The following MTUS2 variants were observed in gnomAD, a reference collection of about 807,000 sequenced individuals.
MTUS2 encodes microtubule associated scaffold protein 2.
Under a neutral mutation model 114.1 loss-of-function variants are expected in MTUS2, and 40 were observed. The ratio of observed to expected loss-of-function variants is 0.35; its 90% confidence interval spans 0.27 to 0.46. The LOEUF (loss-of-function observed/expected upper bound fraction) is 0.46, where lower values mean the gene tolerates loss of function less well. Among genes scored for constraint, MTUS2 ranks in the 20% least tolerant of loss-of-function variants. The probability of loss-of-function intolerance (pLI) is 1.00; values close to 1 mark genes in which losing one functional copy is unlikely to be tolerated. For synonymous variants in MTUS2, 688 were observed against 672.0 expected, an observed-to-expected ratio of 1.02 and a Z score of -0.37; for missense variants, 1,679 against 1,705.4, an observed-to-expected ratio of 0.98 and a Z score of 0.27.
At position 29,025,930 on chromosome 13, in the gene MTUS2, C is replaced by G; in HGVS notation, c.1232C>G (p.Thr411Ser). The G allele has an allele frequency of 6.2e-7, 1 of 1,613,938 alleles. No individual in the cohort carries two copies. Reference protein sequence around the residue: ...ASLGGADNQPTGKISPCAGEK... With the variant: ...ASLGGADNQPSGKISPCAGEK... The stretch of plus-strand genomic sequence containing the variant: ...TTAGGAGGGGCTGATAATCAGCCCA[C>G]TGGCAAAATTTCACCATGTGCAGGT... Residue 411 changes from threonine (T) to serine (S), a missense_variant, in exon 3 of 16, where the codon ACT (threonine) becomes AGT (serine). This residue lies in a region of MTUS2 where 843 missense variants were observed against 770.8 expected (regional missense o/e 1.09). Coordinates refer to ENST00000612955, the MANE Select transcript of MTUS2 (RefSeq NM_001033602.4).
intron 2 of MTUS2, among the ~76,000 whole-genome samples, chr13:28,958,299 T>G (rs7319302): frequency 0.011 from 1,624 of 152,350 alleles, 32 homozygotes; most frequent in African/African-American, 0.037. Context: ...GTGGGCTGCC[T>G]GTTTTCCCGC....
intron 9 of MTUS2, among the ~76,000 whole-genome samples, chr13:29,478,807 C>T (rs904073020): frequency 2.0e-5 from 3 of 151,942 alleles, no homozygotes; most frequent in African/African-American, 4.8e-5. Context: ...TGGAAGCCCT[C>T]GGGTAGGATA....
intron 7 of MTUS2, among the ~76,000 whole-genome samples, chr13:29,334,408 C>CA (rs1900946102): frequency 6.6e-6 from 1 of 152,180 alleles, no homozygotes. Flanking sequence ...CTGGTGGTGA[C>CA]AAAATCTCTC....
chr13:29,307,648 C>A, intron 6 of MTUS2: 1 of 1,140,054 alleles, frequency 8.8e-7, no homozygotes, highest in Non-Finnish European at 1.3e-6. Flanking sequence ...CAGCGACACC[C>A]ACTCTTCCAC....
intron 8 of MTUS2, among the ~76,000 whole-genome samples, chr13:29,433,164 G>GCA (rs1464678231): frequency 6.6e-6 from 1 of 152,152 alleles, no homozygotes; most frequent in African/African-American, 2.4e-5. Context: ...CAGGTATGAT[G>GCA]TGATATTCCC....
chr13:28,976,482 A>C (rs1345655401), intron 2 of MTUS2, among the ~76,000 whole-genome samples: 1 of 152,128 alleles, frequency 6.6e-6, no homozygotes, highest in Admixed American at 6.6e-5. Flanking sequence ...TGTGGACTGG[A>C]ATATAATTCA....
intron 8 of MTUS2, among the ~76,000 whole-genome samples, chr13:29,398,931 T>G (rs989805955): frequency 2.0e-5 from 3 of 151,994 alleles, no homozygotes; most frequent in African/African-American, 7.3e-5. Context: ...GGGGTCTAGA[T>G]CCCCAAGAAC....
chr13:28,952,226 T>C (rs1411269219), intron 2 of MTUS2, among the ~76,000 whole-genome samples: 7 of 152,222 alleles, frequency 4.6e-5, no homozygotes. Context: ...GATGTAAAGC[T>C]CTTTCCAATC....
intron 9 of MTUS2, among the ~76,000 whole-genome samples, chr13:29,458,663 C>A (rs543234445): frequency 3.3e-4 from 50 of 152,168 alleles, no homozygotes; most frequent in Non-Finnish European, 5.9e-4. Flanking sequence ...ATGAGCTCAC[C>A]TCTTGGTGAA....
chr13:29,431,480 C>G (rs1348394823), intron 8 of MTUS2, among the ~76,000 whole-genome samples: 1 of 152,144 alleles, frequency 6.6e-6, no homozygotes, highest in Admixed American at 6.5e-5. Context: ...GCAACAATAA[C>G]ACACACAGAA....
At chr13:28,985,375 T>C (rs1363268914) in intron 2 of MTUS2, among the ~76,000 whole-genome samples, 1 of 152,208 alleles carries the variant, frequency 6.6e-6, no homozygotes, top group African/African-American at 2.4e-5. Context: ...TGGGATACTG[T>C]ACTGAAAGCA....
intron 8 of MTUS2, among the ~76,000 whole-genome samples, chr13:29,383,224 G>GTC (rs1872354785): frequency 1.4e-5 from 1 of 70,028 alleles, no homozygotes; most frequent in Non-Finnish European, 2.7e-5. Flanking sequence ...TTGAGTGTGT[G>GTC]TGTGTGTGTG....
At chr13:29,497,417 C>G in intron 13 of MTUS2, 81 bp downstream of exon 13, 1 of 1,229,962 alleles carries the variant, frequency 8.1e-7, no homozygotes, top group Non-Finnish European at 1.2e-6. Flanking sequence ...CAGTCTCGTC[C>G]CAAGACAAGG....
intron 2 of MTUS2, among the ~76,000 whole-genome samples, chr13:28,933,187 CTATT>C (rs1881714284): frequency 2.0e-5 from 3 of 151,322 alleles, no homozygotes; most frequent in African/African-American, 7.3e-5. Context: ...GTTAACTTAT[CTATT>C]TATCAGCATT....
intron 5 of MTUS2, among the ~76,000 whole-genome samples, chr13:29,245,216 A>G (rs1172103638): frequency 6.6e-6 from 1 of 152,098 alleles, no homozygotes; most frequent in Admixed American, 6.6e-5. Flanking sequence ...GCAGGGGAGA[A>G]TTTTACCAGA....
chr13:29,213,764 A>G (rs1272460690), intron 5 of MTUS2, among the ~76,000 whole-genome samples: 1 of 152,112 alleles, frequency 6.6e-6, no homozygotes, highest in African/African-American at 2.4e-5. Flanking sequence ...TAGATCTTAT[A>G]TTTTTATCCC....
Position 29,502,920 on chromosome 13 carries a change from G to A in MTUS2, c.3897-73G>A, listed in dbSNP as rs878953986. ...CATCATGGCCTCCTCCCTTTGCCCT[G>A]CACCATTGTCCTGACCTCAGGTTCA... On this transcript the variant is annotated intron_variant, in intron 15 of 15. Coordinates refer to ENST00000612955, the MANE Select transcript of MTUS2 (RefSeq NM_001033602.4). 1.4e-5 allele frequency: 21 copies of A among 1,481,796 alleles called. No homozygotes were observed. The South Asian group carries it at 1.9e-4, about 13-fold the overall frequency. 91.8% of individuals were successfully genotyped at this position (1,481,796 alleles called of 1,614,324 possible).
intron 5 of MTUS2, among the ~76,000 whole-genome samples, chr13:29,267,942 T>C (rs1305798828): frequency 6.6e-6 from 1 of 152,156 alleles, no homozygotes; most frequent in Non-Finnish European, 1.5e-5. Context: ...AAGACTGTTG[T>C]ATTTGGTAAC....
chr13:28,840,088 C>T (rs757887936), intron 2 of MTUS2, among the ~76,000 whole-genome samples: 10 of 149,366 alleles, frequency 6.7e-5, no homozygotes, highest in Non-Finnish European at 1.3e-4. Context: ...GTTCAAGTAA[C>T]GTGTTAGTGA....
Sources: allele counts gnomAD v4.1 joint callset (sites outside exome capture counted in the v4.1 genomes callset), GRCh38; gene constraint gnomAD v4.1.1; regional missense constraint gnomAD v4.1.1; transcripts MANE v1.5; gene names NCBI Gene and HGNC (gene_info 2026-07-23, HGNC 2026-07-21).